The following AKAP13 variants were observed in gnomAD, a reference collection of about 807,000 sequenced individuals.
AKAP13 encodes A-kinase anchor protein 13.
In AKAP13, 80 loss-of-function variants were observed where a neutral mutation model predicts 264.5. That is an observed-to-expected ratio of 0.30 (90% CI 0.25 to 0.36). The LOEUF (loss-of-function observed/expected upper bound fraction) is 0.36, where lower values mean the gene tolerates loss of function less well. AKAP13 is among the 10% of genes least tolerant of loss of function. The pLI is 1.00. For missense variants in AKAP13, 3,712 were observed against 3,435.2 expected (o/e 1.08, Z -2.01); for synonymous variants, 1,380 against 1,250.2 (o/e 1.10, Z -2.19).
intron 5 of AKAP13, among the ~76,000 whole-genome samples, chr15:85,549,595 A>T (rs2077880181): frequency 6.6e-6 from 1 of 152,198 alleles, no homozygotes; most frequent in African/African-American, 2.4e-5. Context: ...GGAGGCTCAG[A>T]TAATTAAAGT....
intron 1 of AKAP13, among the ~76,000 whole-genome samples, chr15:85,456,380 A>C (rs1215605638): frequency 6.6e-6 from 1 of 152,190 alleles, no homozygotes; most frequent in Non-Finnish European, 1.5e-5. Context: ...ATCAGAATCC[A>C]AATAATAAGG....
intron 12 of AKAP13, among the ~76,000 whole-genome samples, chr15:85,661,458 C>G (rs912367200): frequency 3.9e-5 from 6 of 152,104 alleles, no homozygotes; most frequent in Non-Finnish European, 7.3e-5. Flanking sequence ...GTGGCTCAAG[C>G]CTATAATCCC....
chr15:85,662,592 G>C (rs2083407034), intron 12 of AKAP13: 2 of 938,482 alleles, frequency 2.1e-6, no homozygotes, highest in South Asian at 2.9e-5. Context: ...GCATTTCATT[G>C]CCTTTGCTAT....
At chr15:85,450,140 C>T (rs1018204853) in intron 1 of AKAP13, among the ~76,000 whole-genome samples, 2 of 151,886 alleles carry the variant, frequency 1.3e-5, no homozygotes, top group Admixed American at 6.6e-5. Flanking sequence ...CTTGCTCAGT[C>T]TGGGTGGGGG....
intron 17 of AKAP13, 34 bp from the exon 18 acceptor site, chr15:85,707,985 T>C (rs1300876299): frequency 3.1e-6 from 5 of 1,610,778 alleles, no homozygotes; most frequent in Non-Finnish European, 3.4e-6. Flanking sequence ...CTGTTTGCTT[T>C]GTCCATGTGA....
intron 2 of AKAP13, among the ~76,000 whole-genome samples, chr15:85,495,746 A>C (rs927269094): frequency 7.9e-5 from 12 of 152,158 alleles, no homozygotes; most frequent in Admixed American, 7.9e-4. Flanking sequence ...TTATAAAACA[A>C]ATTTCCAGAA....
At chr15:85,641,917 C>G (rs1395118450) in intron 9 of AKAP13, among the ~76,000 whole-genome samples, 1 of 152,172 alleles carries the variant, frequency 6.6e-6, no homozygotes. Flanking sequence ...CTGCCCTTCC[C>G]CAACAACAGT....
At chr15:85,699,214 C>G (rs1388331399) in intron 17 of AKAP13, among the ~76,000 whole-genome samples, 2 of 152,006 alleles carry the variant, frequency 1.3e-5, no homozygotes, top group African/African-American at 4.8e-5. Flanking sequence ...GAGGCTGAGA[C>G]GGGCAGAACA....
chr15:85,629,172 G>A (rs924037200), intron 8 of AKAP13, among the ~76,000 whole-genome samples: 4 of 151,998 alleles, frequency 2.6e-5, no homozygotes, highest in African/African-American at 9.7e-5. Flanking sequence ...ACTCCAGCCT[G>A]GGGTGACAGC....
Position 85,710,563 on chromosome 15 carries a change from C to CT in AKAP13, c.5533-13dup. ...CAGAGGTGAATTGTCAATGGACTTA[C>CT]TTTCTTTCTCTTTAGCAGCCCAAAG... On this transcript the variant is annotated splice_polypyrimidine_tract_variant and intron_variant, in intron 18 of 36. Coordinates refer to ENST00000394518, the MANE Select transcript of AKAP13 (RefSeq NM_007200.5). 6.2e-7 allele frequency: 1 copy of CT among 1,613,086 alleles called. No individual in the cohort carries two copies. The highest frequency in any genetic ancestry group is 2.2e-5 in the East Asian group (1 of 44,856).
At chr15:85,595,142 C>T (rs992259949) in intron 8 of AKAP13, among the ~76,000 whole-genome samples, 1 of 151,926 alleles carries the variant, frequency 6.6e-6, no homozygotes, top group African/African-American at 2.4e-5. Flanking sequence ...CTTTGTTGCC[C>T]AGGTTGGAGT....
intron 32 of AKAP13, 39 bp downstream of exon 32, chr15:85,735,669 C>G (rs1341238621): frequency 6.4e-7 from 1 of 1,564,474 alleles, no homozygotes; most frequent in Admixed American, 1.9e-5. Flanking sequence ...CTCCTTGGCA[C>G]TTTCCTCTGA....
chr15:85,433,112 G>A (rs1345194767), intron 1 of AKAP13, among the ~76,000 whole-genome samples: 2 of 114,290 alleles, frequency 1.7e-5, no homozygotes, highest in Non-Finnish European at 3.6e-5. Context: ...GTTCCCTTCT[G>A]TACAGTTTTT....
chr15:85,559,412 G>T (rs1364049511), intron 5 of AKAP13, among the ~76,000 whole-genome samples: 4 of 152,204 alleles, frequency 2.6e-5, no homozygotes, highest in Non-Finnish European at 5.9e-5. Context: ...GGACCTGTGG[G>T]AGGAGGGGAT....
At chr15:85,479,131 G>A (rs913990934) in intron 1 of AKAP13, among the ~76,000 whole-genome samples, 11 of 152,162 alleles carry the variant, frequency 7.2e-5, no homozygotes, top group Non-Finnish European at 1.5e-4. Context: ...TTTTTTGATA[G>A]AACTTGGCAT....
intron 3 of AKAP13, among the ~76,000 whole-genome samples, chr15:85,529,644 A>G (rs2077187703): frequency 6.6e-6 from 1 of 152,226 alleles, no homozygotes; most frequent in South Asian, 2.1e-4. Flanking sequence ...TATAGGAATT[A>G]AAAAATAATC....
chr15:85,590,043 A>G (rs1032174359), intron 8 of AKAP13, among the ~76,000 whole-genome samples: 3 of 152,132 alleles, frequency 2.0e-5, no homozygotes, highest in African/African-American at 7.2e-5. Flanking sequence ...GTCTATGATT[A>G]TATTTGAGGG....
intron 4 of AKAP13, among the ~76,000 whole-genome samples, chr15:85,538,705 G>A (rs776481193): frequency 6.6e-6 from 1 of 151,104 alleles, no homozygotes; most frequent in Non-Finnish European, 1.5e-5. Flanking sequence ...TAGCCAGGAT[G>A]GTCTCGATCT....
chr15:85,436,560 G>C (rs1410161791), intron 1 of AKAP13, among the ~76,000 whole-genome samples: 5 of 147,268 alleles, frequency 3.4e-5, no homozygotes, highest in Non-Finnish European at 4.5e-5. Flanking sequence ...TGACCACATA[G>C]TTGGAAGTAA....
Sources: gnomAD v4.1 joint callset for allele counts (sites outside exome capture counted in the v4.1 genomes callset) on GRCh38, gnomAD v4.1.1 for gene constraint, MANE v1.5 for transcripts, NCBI Gene and HGNC (gene_info 2026-07-23, HGNC 2026-07-21) for gene names.